Variants in PARP15 observed in about 807,000 individuals in gnomAD.
PARP15 encodes poly(ADP-ribose) polymerase family member 15, also known as protein mono-ADP-ribosyltransferase PARP15.
A neutral mutation model predicts 62.1 loss-of-function variants in PARP15; 50 were observed. That is an observed-to-expected ratio of 0.81 (90% confidence interval 0.64 to 1.02). The LOEUF is 1.02. PARP15 is among the 50% of genes least tolerant of loss of function. PARP15 has a pLI of 0.00. For missense variants in PARP15, 820 were observed against 826.5 expected (o/e 0.99, Z 0.10); for synonymous variants, 309 against 293.1 (o/e 1.05, Z -0.55).
intron 1 of PARP15, among the ~76,000 whole-genome samples, chr3:122,587,053 T>A (rs1488413685): frequency 1.3e-5 from 2 of 152,194 alleles, no homozygotes; most frequent in African/African-American, 4.8e-5. Flanking sequence ...TTTTGCCTTT[T>A]CAGATTGACT....
At chr3:122,578,577 C>G (rs1441776679) in intron 1 of PARP15, among the ~76,000 whole-genome samples, 1 of 151,092 alleles carries the variant, frequency 6.6e-6, no homozygotes, top group African/African-American at 2.4e-5. Flanking sequence ...CTTCTATTTT[C>G]ATCCATTGAC....
chr3:122,591,455 G>A lies in PARP15; in HGVS notation c.186+13602G>A, dbSNP rs577517094. 2.6e-5 allele frequency among the ~76,000 whole-genome samples: 4 copies of A among 152,234 alleles called. No homozygotes were observed. In the South Asian group the frequency reaches 8.3e-4, roughly 32 times the overall value. On this transcript the variant is annotated intron_variant, in intron 1 of 11. Transcript: ENST00000464300. The stretch of plus-strand genomic sequence containing the variant: ...GGTGGGAGTAACACACAACATTAAA[G>A]TCGTCACTTTTCTTAAAAATATTGG...
At chr3:122,630,885 C>G (rs769931715) in intron 9 of PARP15, among the ~76,000 whole-genome samples, 11 of 152,024 alleles carry the variant, frequency 7.2e-5, no homozygotes, top group Non-Finnish European at 1.2e-4. Context: ...CTTATAATTC[C>G]CATTACACAG....
At chr3:122,597,287 T>G (rs1162407648) in intron 1 of PARP15, among the ~76,000 whole-genome samples, 2 of 152,122 alleles carry the variant, frequency 1.3e-5, no homozygotes, top group Non-Finnish European at 2.9e-5. Flanking sequence ...AATACCACAA[T>G]GGAAATTAGG....
intron 1 of PARP15, chr3:122,594,488 T>A: frequency 6.4e-6 from 6 of 938,538 alleles, no homozygotes; most frequent in Non-Finnish European, 7.6e-6. Context: ...TAACTGTTGA[T>A]CCTGTTCCTC....
intron 1 of PARP15, among the ~76,000 whole-genome samples, chr3:122,595,605 A>G (rs1394233692): frequency 6.6e-6 from 1 of 152,188 alleles, no homozygotes; most frequent in Non-Finnish European, 1.5e-5. Context: ...GCTAGAGGGC[A>G]GTAGCACGAT....
At chr3:122,584,020 CCTATG>C (rs1933198478) in intron 1 of PARP15, among the ~76,000 whole-genome samples, 2 of 34,592 alleles carry the variant, frequency 5.8e-5, no homozygotes, top group South Asian at 1.7e-3. Flanking sequence ...ATGTGGTAAG[CCTATG>C]TGGTAAGCCT....
chr3:122,611,539 A>G (rs1275482510), intron 3 of PARP15, among the ~76,000 whole-genome samples: 1 of 151,798 alleles, frequency 6.6e-6, no homozygotes, highest in South Asian at 2.1e-4. Context: ...GGGTTTCACC[A>G]TGTTAGCCAG....
At chr3:122,599,838 G>C (rs1416838294) in intron 1 of PARP15, among the ~76,000 whole-genome samples, 1 of 152,216 alleles carries the variant, frequency 6.6e-6, no homozygotes, top group Non-Finnish European at 1.5e-5. Context: ...GCCTCCCAAA[G>C]TACTGGGATT....
intron 2 of PARP15, among the ~76,000 whole-genome samples, chr3:122,607,670 A>G (rs777539742): frequency 1.1e-4 from 17 of 152,190 alleles, no homozygotes; most frequent in Non-Finnish European, 2.2e-4. Context: ...TCTTTTCACT[A>G]TGCAGTCCAC....
At chr3:122,588,163 A>C (rs1458631525) in intron 1 of PARP15, among the ~76,000 whole-genome samples, 1 of 152,088 alleles carries the variant, frequency 6.6e-6, no homozygotes, top group Non-Finnish European at 1.5e-5. Context: ...TTTATAGTTG[A>C]TCATGTTAGT....
At chr3:122,633,430 A>G (rs1937172355) in intron 10 of PARP15, among the ~76,000 whole-genome samples, 1 of 152,166 alleles carries the variant, frequency 6.6e-6, no homozygotes, top group South Asian at 2.1e-4. Context: ...CTCTGAATCG[A>G]TAGGTTCTGC....
intron 8 of PARP15, among the ~76,000 whole-genome samples, chr3:122,625,229 T>C (rs1170849566): frequency 6.9e-6 from 1 of 145,022 alleles, no homozygotes; most frequent in Non-Finnish European, 1.5e-5. Flanking sequence ...GTTTTGTTTG[T>C]TGTTGTTGTT....
intron 1 of PARP15, among the ~76,000 whole-genome samples, chr3:122,596,702 T>C (rs1055505621): frequency 2.6e-5 from 4 of 152,192 alleles, no homozygotes; most frequent in Non-Finnish European, 5.9e-5. Flanking sequence ...AAATAGCTTA[T>C]ACTTATACTT....
chr3:122,612,907 CT>C, intron 3 of PARP15, 133 bp from the exon 4 acceptor site: 1 of 739,938 alleles, frequency 1.4e-6, no homozygotes, highest in South Asian at 1.8e-5. Flanking sequence ...TTTGTTTCCT[CT>C]TTCTGACTTC....
chr3:122,578,527 A>T (rs952060125), intron 1 of PARP15, among the ~76,000 whole-genome samples: 2 of 152,128 alleles, frequency 1.3e-5, no homozygotes, highest in Non-Finnish European at 2.9e-5. Context: ...CAGCTTTATC[A>T]TGTACTAGAC....
chr3:122,616,776 G>C (rs1377733292), intron 5 of PARP15, among the ~76,000 whole-genome samples: 1 of 151,950 alleles, frequency 6.6e-6, no homozygotes, highest in African/African-American at 2.4e-5. Flanking sequence ...GGATATTTCT[G>C]CCTTATCCTA....
chr3:122,626,745 A>C, intron 8 of PARP15, 82 bp from the exon 9 acceptor site: 1 of 1,268,964 alleles, frequency 7.9e-7, no homozygotes, highest in South Asian at 1.5e-5. Flanking sequence ...CCTGTTTCTC[A>C]GCACTGAGAA....
intron 1 of PARP15, among the ~76,000 whole-genome samples, chr3:122,604,644 G>A (rs1935032753): frequency 6.6e-6 from 1 of 151,778 alleles, no homozygotes; most frequent in Non-Finnish European, 1.5e-5. Context: ...CACGAGGTCA[G>A]GAGTTCAAGA....
Sources: gnomAD v4.1 joint callset for allele counts (sites outside exome capture counted in the v4.1 genomes callset) on GRCh38, gnomAD v4.1.1 for gene constraint, MANE v1.5 for transcripts, NCBI Gene and HGNC (gene_info 2026-07-23, HGNC 2026-07-21) for gene names.